RBM28: variants seen among roughly 807,000 people sequenced by gnomAD.
The protein encoded by RBM28 is RNA-binding protein 28.
In RBM28, 78 loss-of-function variants were observed where a neutral mutation model predicts 98.3. The ratio of observed to expected loss-of-function variants is 0.79; its 90% CI spans 0.66 to 0.96. The LOEUF is 0.96. RBM28 is among the 40% of genes least tolerant of loss of function. The pLI is 0.00. For missense variants in RBM28, 838 were observed against 913.0 expected, an observed-to-expected ratio of 0.92 and a Z score of 1.06; for synonymous variants, 306 against 330.9, an observed-to-expected ratio of 0.92 and a Z score of 0.82.
intron 9 of RBM28, 106 bp downstream of exon 9, chr7:128,333,184 T>C (rs931821399): frequency 3.5e-6 from 3 of 855,284 alleles, no homozygotes; most frequent in Non-Finnish European, 6.0e-6. Flanking sequence ...ATGTGCTTGA[T>C]CTAATTTCTG....
chr7:128,310,414 C>A lies in RBM28; in HGVS notation c.*383G>T. On this transcript the variant is annotated 3_prime_UTR_variant, in exon 19 of 19. Transcript: ENST00000223073. ...AAATGACGTTGTTACTAAAAAGCCA[C>A]ACAATATCTCATTTAGAGAATATGC... 1 of 285,074 alleles carries A rather than the reference C, an allele frequency of 3.5e-6. No homozygotes were observed. The highest frequency in any genetic ancestry group is 6.8e-6 in the Non-Finnish European group (1 of 147,700). 17.7% of individuals were successfully genotyped at this position (285,074 alleles called of 1,614,324 possible).
At position 128,305,604 on chromosome 7, in the gene RBM28, T is replaced by C. The variant is rs979777548; in HGVS notation, c.*5193A>G. 6.6e-6 allele frequency: 1 copy of C among 152,312 alleles called. No homozygotes were observed. The highest frequency in any genetic ancestry group is 2.4e-5 in the African/African-American group (1 of 41,442). 9.4% of individuals were successfully genotyped at this position (152,312 alleles called of 1,614,324 possible). A position where few individuals can be genotyped will look rare whatever the true frequency, so the allele number is the denominator to read the frequency against. On this transcript the variant is annotated 3_prime_UTR_variant, in exon 19 of 19. Transcript: ENST00000223073. ...TCTCAAAGTGCTGGGAATATAGGCA[T>C]GAGCCACCATGCCAAGCCGAGGGAA...
chr7:128,334,322 T>C (rs1796550272), intron 8 of RBM28, among the ~76,000 whole-genome samples: 1 of 152,218 alleles, frequency 6.6e-6, no homozygotes. Flanking sequence ...TGTTTTAACT[T>C]TTTATCATTA....
At chr7:128,338,468 C>A in intron 4 of RBM28, 126 bp from the exon 5 acceptor site, 1 of 823,296 alleles carries the variant, frequency 1.2e-6, no homozygotes, top group East Asian at 2.6e-5. Flanking sequence ...AGGCCCTTCC[C>A]CAAAGCAATT....
In RBM28 at chr7:128,330,901, T is replaced by C; in HGVS notation, c.1047A>G (p.Glu349=). ...ACTGTTGGAGAAGCTCCCCAAGTTC[T>C]TCTTCTTCTGAGTCAAAGGACAGAT... The part of the protein sequence containing the change: ...IRNLSFDSEE[E]ELGELLQQFG... Residue 349 remains glutamate (E), a synonymous_variant, in exon 10 of 19, where the codon GAA becomes GAG. Coordinates refer to ENST00000223073, the MANE Select transcript of RBM28 (RefSeq NM_018077.3). The C allele has an allele frequency of 6.2e-7, 1 of 1,614,010 alleles. No individual in the cohort carries two copies. The highest frequency in any genetic ancestry group is 8.5e-7 in the Non-Finnish European group (1 of 1,179,876).
intron 17 of RBM28, among the ~76,000 whole-genome samples, chr7:128,313,726 G>A (rs998656458): frequency 6.6e-6 from 1 of 152,192 alleles, no homozygotes. Flanking sequence ...TCATGGGGAT[G>A]ACTCCTTCAT....
intron 5 of RBM28, among the ~76,000 whole-genome samples, chr7:128,337,684 A>T (rs1796632210): frequency 6.6e-6 from 1 of 150,806 alleles, no homozygotes; most frequent in South Asian, 2.1e-4. Flanking sequence ...CAGCCTCTTG[A>T]GTAGCTGGGA....
rs1010140997 is a variant in RBM28, at chr7:128,301,131, G to C, written c.*9666C>G. On this transcript the variant is annotated 3_prime_UTR_variant, in exon 19 of 19. Coordinates refer to ENST00000223073, the MANE Select transcript of RBM28 (RefSeq NM_018077.3). ...AAGTGGAAATTAGCCAATCACCCTGGAAGTGGGCAACCAGTCTTTCTCCCC... is the reference window on the plus strand; with the variant it reads ...AAGTGGAAATTAGCCAATCACCCTGCAAGTGGGCAACCAGTCTTTCTCCCC... 6.6e-6 allele frequency: 1 copy of C among 152,284 alleles called. No homozygotes were observed. The allele number at this position is 152,284 out of a possible 1,614,324, so 9.4% of individuals were successfully genotyped here.
At chr7:128,315,454 C>G (rs1796087318) in intron 16 of RBM28, among the ~76,000 whole-genome samples, 2 of 152,068 alleles carry the variant, frequency 1.3e-5, no homozygotes, top group South Asian at 2.1e-4. Context: ...AAGATAAATA[C>G]TAAACAATTT....
In RBM28 at chr7:128,306,323, A is replaced by G. The variant is rs1203831050; in HGVS notation, c.*4474T>C. The G allele has an allele frequency of 6.6e-6, 1 of 152,192 alleles. No homozygotes were observed. The allele number at this position is 152,192 out of a possible 1,614,324, so 9.4% of individuals were successfully genotyped here. On this transcript the variant is annotated 3_prime_UTR_variant, in exon 19 of 19. Transcript: ENST00000223073. Reference sequence around the variant, plus strand: ...GGCATAGCAGAAAGTACGGTGGTACACTCAAGGCACTGTGAACAGCAGTTT... The same window carrying G: ...GGCATAGCAGAAAGTACGGTGGTACGCTCAAGGCACTGTGAACAGCAGTTT...
intron 9 of RBM28, among the ~76,000 whole-genome samples, chr7:128,332,607 C>T (rs1796504743): frequency 6.6e-6 from 1 of 152,104 alleles, no homozygotes; most frequent in Non-Finnish European, 1.5e-5. Flanking sequence ...CTGCCTCAGC[C>T]TCCCACGGTG....
intron 10 of RBM28, among the ~76,000 whole-genome samples, chr7:128,326,747 C>T (rs1335528684): frequency 2.0e-5 from 3 of 152,168 alleles, no homozygotes; most frequent in Non-Finnish European, 4.4e-5. Context: ...ATAATCAAGA[C>T]AAAGATACCA....
At chr7:128,312,979 G>C in intron 18 of RBM28, 196 bp downstream of exon 18, 1 of 610,740 alleles carries the variant, frequency 1.6e-6, no homozygotes, top group South Asian at 2.0e-5. Flanking sequence ...TGAAACACAG[G>C]AACAGATACG....
intron 1 of RBM28, among the ~76,000 whole-genome samples, 199 bp from the exon 2 acceptor site, chr7:128,339,990 T>G (rs975865347): frequency 6.6e-6 from 1 of 152,124 alleles, no homozygotes; most frequent in Admixed American, 6.5e-5. Context: ...CCACTTTGCT[T>G]AGAAACTGTT....
chr7:128,316,074 GAAATCTAGATAGGTACAACGATACAA>G (rs749348821), intron 16 of RBM28, among the ~76,000 whole-genome samples: 36,896 of 151,558 alleles, frequency 0.24, 4,663 homozygotes, highest in Non-Finnish European at 0.29. Context: ...TTTCACCTTA[GAAATCTAGATAGGTACAACGATACAA>G]TGAACATTTA....
chr7:128,317,556 A>C (rs1796131232), intron 16 of RBM28, 103 bp downstream of exon 16: 2 of 926,408 alleles, frequency 2.2e-6, no homozygotes, highest in Non-Finnish European at 3.5e-6. Context: ...AGGAGCAAAA[A>C]AACCTAACTG....
chr7:128,321,332 A>T lies in RBM28; in HGVS notation c.1497T>A (p.Asp499Glu). 1 of 1,614,214 alleles carries T rather than the reference A, an allele frequency of 6.2e-7. No homozygotes were observed. Among genetic ancestry groups the T allele is most frequent in the Non-Finnish European group, 8.5e-7 (1 of 1,180,038 alleles). Reference sequence around the variant, plus strand: ...GCAGCAGCTTTCTGAGCTGTTTGTCATCTACAGCCTTTGGGAGATTGTGCA... The same window carrying T: ...GCAGCAGCTTTCTGAGCTGTTTGTCTTCTACAGCCTTTGGGAGATTGTGCA... ...LCLHNLPKAV[D>E]DKQLRKLLLS... Residue 499 changes from aspartate (D) to glutamate (E), a missense_variant, in exon 14 of 19, where the codon GAT becomes GAA. By Grantham distance (45) the Asp-to-Glu change is conservative. Transcript: ENST00000223073.
rs536651807 is a variant in RBM28 at position 128,302,783 on chromosome 7, T to C, written c.*8014A>G. Reference sequence around the variant, plus strand: ...GGGTTTAATCCTTTTTTATTTTTATTATTTTTTTAGACAGGGTATCACGCT... The same window carrying C: ...GGGTTTAATCCTTTTTTATTTTTATCATTTTTTTAGACAGGGTATCACGCT... On this transcript the variant is annotated 3_prime_UTR_variant, in exon 19 of 19. Coordinates refer to ENST00000223073, the MANE Select transcript of RBM28 (RefSeq NM_018077.3). 6.6e-6 allele frequency: 1 copy of C among 152,320 alleles called. No individual in the cohort carries two copies. Among genetic ancestry groups the C allele is most frequent in the Non-Finnish European group, 1.5e-5 (1 of 68,036 alleles). The allele number at this position is 152,320 out of a possible 1,614,324, so 9.4% of individuals were successfully genotyped here.
chr7:128,298,139 A>C lies in RBM28; in HGVS notation c.*12658T>G. 6.6e-6 allele frequency: 1 copy of C among 152,188 alleles called. No individual in the cohort carries two copies. Among genetic ancestry groups the C allele is most frequent in the East Asian group, 1.9e-4 (1 of 5,196 alleles). The allele number at this position is 152,188 out of a possible 1,614,324, so 9.4% of individuals were successfully genotyped here. A position where few individuals can be genotyped will look rare whatever the true frequency, so the allele number is the denominator to read the frequency against. ...TACCCTAAAACTTAAATAATAAAAA[A>C]AAAAGACAATACGCGCACAGTTGAA... On this transcript the variant is annotated 3_prime_UTR_variant, in exon 19 of 19. Coordinates refer to ENST00000223073, the MANE Select transcript of RBM28 (RefSeq NM_018077.3).
Sources: allele counts gnomAD v4.1 joint callset (sites outside exome capture counted in the v4.1 genomes callset), GRCh38; gene constraint gnomAD v4.1.1; transcripts MANE v1.5; gene names NCBI Gene and HGNC (gene_info 2026-07-23, HGNC 2026-07-21).